MTMR14: variants seen among roughly 807,000 people sequenced by gnomAD.
MTMR14 encodes phosphatidylinositol-3,5-bisphosphate 3-phosphatase MTMR14.
MTMR14 carries 48 observed loss-of-function variants against 86.3 expected under a neutral mutation model. That is an observed-to-expected ratio of 0.56 (90% CI 0.44 to 0.71). MTMR14 has a LOEUF of 0.71. MTMR14 is among the 30% of genes least tolerant of loss of function. The pLI is 0.00. For missense variants in MTMR14, 780 were observed against 834.6 expected (o/e 0.93, Z 0.81); for synonymous variants, 366 against 326.1 (o/e 1.12, Z -1.32).
rs772186735 is a variant in MTMR14 at position 9,702,023 on chromosome 3, G to A, written c.*50G>A. The A allele has an allele frequency of 6.2e-7, 1 of 1,610,978 alleles. No homozygotes were observed. The highest frequency in any genetic ancestry group is 2.2e-5 in the East Asian group (1 of 44,880). The stretch of plus-strand genomic sequence containing the variant: ...TGCTCCTCTCTCAGCTGAGCCCTTA[G>A]CAGAGAATCAAAGCCATGCCTGGCC... On this transcript the variant is annotated 3_prime_UTR_variant, in exon 19 of 19. Coordinates refer to ENST00000296003, the MANE Select transcript of MTMR14 (RefSeq NM_001077525.3).
chr3:9,651,143 C>T (rs1314696021), intron 1 of MTMR14, among the ~76,000 whole-genome samples: 1 of 151,848 alleles, frequency 6.6e-6, no homozygotes, highest in African/African-American at 2.4e-5. Context: ...GCTCTGCTGC[C>T]CAGGCTGGAT....
intron 3 of MTMR14, among the ~76,000 whole-genome samples, chr3:9,663,986 G>A (rs1317858957): frequency 2.0e-5 from 3 of 149,420 alleles, no homozygotes; most frequent in Non-Finnish European, 4.4e-5. Flanking sequence ...ACGGGGTTTC[G>A]CCATGGTGGC....
chr3:9,663,800 A>G (rs986018350), intron 3 of MTMR14, among the ~76,000 whole-genome samples: 37 of 147,598 alleles, frequency 2.5e-4, no homozygotes, highest in African/African-American at 9.4e-4. Context: ...GGCGTGAGCC[A>G]CCGCGCACGG....
intron 13 of MTMR14, among the ~76,000 whole-genome samples, chr3:9,686,490 C>T (rs150255713): frequency 2.4e-4 from 36 of 152,280 alleles, no homozygotes; most frequent in South Asian, 4.1e-4. Flanking sequence ...TCTGTTACCC[C>T]CCCCAGACAA....
chr3:9,687,518 G>A (rs528020107), intron 13 of MTMR14, among the ~76,000 whole-genome samples: 196 of 151,850 alleles, frequency 1.3e-3, no homozygotes, highest in African/African-American at 4.5e-3. Context: ...TCACGCCATT[G>A]CACTCCAGCC....
At chr3:9,650,192 T>TA (rs2124876545) in intron 1 of MTMR14, 1 of 382,912 alleles carries the variant, frequency 2.6e-6, no homozygotes, top group South Asian at 1.8e-5. Context: ...TGCCCCCTTA[T>TA]AAGGTCTCAG....
Position 9,649,634 on chromosome 3 carries a change from C to A in MTMR14, c.51C>A (p.Ala17=). ...AAAAASAGSS[A]SSGNQPPQEL... is the part of the protein sequence containing the mutation. ...CCGCTGCCTCGGCGGGGTCCTCGGC[C>A]TCTTCAGGCAACCAGCCGCCTCAGG... Residue 17 remains alanine (A), a synonymous_variant, in exon 1 of 19, where the codon GCC becomes GCA. Coordinates refer to ENST00000296003, the MANE Select transcript of MTMR14 (RefSeq NM_001077525.3). 6.4e-7 allele frequency: 1 copy of A among 1,567,194 alleles called. No homozygotes were observed. The highest frequency in any genetic ancestry group is 2.4e-5 in the East Asian group (1 of 42,086).
chr3:9,693,333 G>A (rs2076190047), intron 17 of MTMR14, among the ~76,000 whole-genome samples: 1 of 152,200 alleles, frequency 6.6e-6, no homozygotes, highest in Non-Finnish European at 1.5e-5. Flanking sequence ...CATATGGGAG[G>A]ATGTGCATAG....
intron 3 of MTMR14, among the ~76,000 whole-genome samples, chr3:9,667,689 C>G (rs561219409): frequency 3.3e-5 from 5 of 152,284 alleles, no homozygotes; most frequent in African/African-American, 1.2e-4. Context: ...GCTGTCCCCA[C>G]GTCCCCACCC....
intron 14 of MTMR14, 59 bp downstream of exon 14, chr3:9,687,950 C>G: frequency 7.0e-7 from 1 of 1,426,054 alleles, no homozygotes; most frequent in Non-Finnish European, 9.7e-7. Flanking sequence ...GGGCTGCTCC[C>G]TGGGAGGCAA....
intron 13 of MTMR14, among the ~76,000 whole-genome samples, chr3:9,685,952 A>T (rs2075933227): frequency 6.6e-6 from 1 of 152,008 alleles, no homozygotes. Flanking sequence ...TCCTGGTGTC[A>T]AGCGTGAGAG....
chr3:9,664,035 C>T (rs556469810), intron 3 of MTMR14, among the ~76,000 whole-genome samples: 3 of 143,072 alleles, frequency 2.1e-5, no homozygotes, highest in South Asian at 2.3e-4. Context: ...GTAATCCGCC[C>T]GCCTCAGCCT....
chr3:9,658,906 T>G (rs2047762512), intron 2 of MTMR14, among the ~76,000 whole-genome samples: 1 of 152,188 alleles, frequency 6.6e-6, no homozygotes, highest in Non-Finnish European at 1.5e-5. Context: ...TGAAAATAGT[T>G]TGGCTGGGCA....
In MTMR14 at chr3:9,669,452, G is replaced by A. The variant is rs2048449792; in HGVS notation, c.514G>A (p.Ala172Thr). The A allele has an allele frequency of 3.1e-6, 5 of 1,614,040 alleles. No homozygotes were observed. Among genetic ancestry groups the A allele is most frequent in the Non-Finnish European group, 4.2e-6 (5 of 1,179,944 alleles). ...GGCAGGGGGTGCAGATGATGCCTGGGCAGATGTGGAGGACGTCACGGAGGA... is the reference window on the plus strand; with the variant it reads ...GGCAGGGGGTGCAGATGATGCCTGGACAGATGTGGAGGACGTCACGGAGGA... ...FFSGGADDAWADVEDVTEEDC... is the reference protein window; with the variant it reads ...FFSGGADDAWTDVEDVTEEDC... The change falls in exon 5 of 19, where the codon GCA becomes ACA. Residue 172 changes from alanine to threonine, a missense_variant. Transcript: ENST00000296003.
At chr3:9,673,739 A>G (rs1393374084) in intron 7 of MTMR14, among the ~76,000 whole-genome samples, 2 of 151,972 alleles carry the variant, frequency 1.3e-5, no homozygotes, top group Non-Finnish European at 2.9e-5. Flanking sequence ...AACAAGTCCT[A>G]TAACCCTTCT....
At chr3:9,653,476 G>A in intron 1 of MTMR14, 145 bp from the exon 2 acceptor site, 2 of 963,530 alleles carry the variant, frequency 2.1e-6, no homozygotes, top group Non-Finnish European at 3.2e-6. Flanking sequence ...TAGGACCTGT[G>A]GCCTAGCATC....
rs1421841148 is a variant in MTMR14 at position 9,671,159 on chromosome 3, G to A, written c.666G>A (p.Lys222=). 4.3e-6 allele frequency: 7 copies of A among 1,614,256 alleles called. No homozygotes were observed. Among genetic ancestry groups the A allele is most frequent in the East Asian group, 4.5e-5 (2 of 44,890 alleles). The change falls in exon 6 of 19, where the codon AAG becomes AAA. Residue 222 remains lysine, a synonymous_variant. Transcript: ENST00000296003. The part of the protein sequence containing the change: ...CDLMVENKKV[K]FGMNVTSSEK... ...TGATGGTGGAGAACAAGAAGGTGAA[G>A]TTTGGCATGAAGTAAGTACAGGCGC...
At chr3:9,695,058 G>T (rs529000237) in intron 17 of MTMR14, among the ~76,000 whole-genome samples, 5 of 152,194 alleles carry the variant, frequency 3.3e-5, no homozygotes, top group South Asian at 4.1e-4. Context: ...GAGAGCAGAG[G>T]GGGTGGAGCT....
chr3:9,653,320 T>C (rs942021405), intron 1 of MTMR14, among the ~76,000 whole-genome samples: 5 of 152,192 alleles, frequency 3.3e-5, no homozygotes, highest in Non-Finnish European at 5.9e-5. Context: ...AGAGTTCTTA[T>C]GTTTTATGGG....
Sources: allele counts gnomAD v4.1 joint callset (sites outside exome capture counted in the v4.1 genomes callset), GRCh38; gene constraint gnomAD v4.1.1; transcripts MANE v1.5; gene names NCBI Gene and HGNC (gene_info 2026-07-23, HGNC 2026-07-21).